Variants in FMNL2 observed in about 807,000 individuals in gnomAD.
FMNL2 encodes the protein formin-like protein 2.
A neutral mutation model predicts 130.2 loss-of-function variants in FMNL2; 51 were observed. The ratio of observed to expected loss-of-function variants is 0.39; its 90% confidence interval spans 0.31 to 0.49. The LOEUF is 0.49. Ranked by LOEUF, FMNL2 falls within the 20% of genes least tolerant of loss-of-function variation. The pLI is 0.85. For synonymous variants in FMNL2, 465 were observed against 467.1 expected (o/e 1.00, Z 0.06); for missense variants, 977 against 1,316.2 (o/e 0.74, Z 3.99).
chr2:152,568,237 A>G (rs1388635115), intron 6 of FMNL2, among the ~76,000 whole-genome samples: 12 of 9,336 alleles, frequency 1.3e-3, no homozygotes, highest in Middle Eastern at 0.042. Flanking sequence ...TTTTTTTGAG[A>G]CGGAGTCTCA....
At chr2:152,384,243 A>G (rs1483111716) in intron 1 of FMNL2, among the ~76,000 whole-genome samples, 1 of 152,192 alleles carries the variant, frequency 6.6e-6, no homozygotes, top group Non-Finnish European at 1.5e-5. Flanking sequence ...GGAAACAAGG[A>G]TTGGCTGACT....
chr2:152,473,870 T>C (rs13023943), intron 1 of FMNL2, among the ~76,000 whole-genome samples: 6,546 of 152,196 alleles, frequency 0.043, 467 homozygotes, highest in African/African-American at 0.15. Flanking sequence ...TGTTTAATCG[T>C]AAGTCAAATT....
chr2:152,460,819 T>C (rs1434342319), intron 1 of FMNL2, among the ~76,000 whole-genome samples: 1 of 152,206 alleles, frequency 6.6e-6, no homozygotes, highest in Non-Finnish European at 1.5e-5. Flanking sequence ...CCATCACCCC[T>C]GGATGGGACT....
At chr2:152,615,840 A>G (rs1294475394) in intron 12 of FMNL2, among the ~76,000 whole-genome samples, 1 of 152,068 alleles carries the variant, frequency 6.6e-6, no homozygotes, top group African/African-American at 2.4e-5. Context: ...ATTTTTCTCC[A>G]CATGTTTTTT....
intron 9 of FMNL2, among the ~76,000 whole-genome samples, chr2:152,604,434 C>T (rs142639462): frequency 2.0e-5 from 3 of 151,002 alleles, no homozygotes; most frequent in African/African-American, 2.4e-5. Flanking sequence ...TCACTGTTCA[C>T]GAACAGCTGT....
At chr2:152,538,279 T>G (rs1376601091) in intron 2 of FMNL2, among the ~76,000 whole-genome samples, 1 of 148,078 alleles carries the variant, frequency 6.8e-6, no homozygotes, top group African/African-American at 2.5e-5. Context: ...ATGAGGTTTT[T>G]TTTTTTTGTT....
At chr2:152,621,076 C>T (rs544195179) in intron 15 of FMNL2, 1 of 985,428 alleles carries the variant, frequency 1.0e-6, no homozygotes, top group Admixed American at 6.1e-5. Flanking sequence ...GGAATGTGTT[C>T]CATCACCAGG....
At chr2:152,439,818 G>C (rs1687963135) in intron 1 of FMNL2, among the ~76,000 whole-genome samples, 1 of 146,402 alleles carries the variant, frequency 6.8e-6, no homozygotes, top group Non-Finnish European at 1.5e-5. Flanking sequence ...CCGTGTCTGT[G>C]GTTCTTGGGC....
intron 4 of FMNL2, among the ~76,000 whole-genome samples, chr2:152,553,928 T>C (rs1695072152): frequency 6.6e-6 from 1 of 152,200 alleles, no homozygotes. Flanking sequence ...CTGTTTTGAT[T>C]GATGTATATG....
intron 6 of FMNL2, among the ~76,000 whole-genome samples, chr2:152,568,643 C>T (rs1463531194): frequency 6.6e-6 from 1 of 152,274 alleles, no homozygotes; most frequent in East Asian, 1.9e-4. Context: ...AGGAAACTTA[C>T]AATCCTAGTG....
At position 152,640,072 on chromosome 2, in the gene FMNL2, C is replaced by T; in HGVS notation, c.3045+16C>T. 1 of 1,539,090 alleles carries T rather than the reference C, an allele frequency of 6.5e-7. No homozygotes were observed. The highest frequency in any genetic ancestry group is 8.8e-7 in the Non-Finnish European group (1 of 1,142,814). On this transcript the variant is annotated intron_variant, in intron 24 of 25. Transcript: ENST00000288670. ...GGATCCAAAGGTAAGAAGTGCCGCA[C>T]TCATGAGACAGGTCCGTGAGGAGAG...
chr2:152,594,261 A>G (rs571166527), intron 9 of FMNL2, among the ~76,000 whole-genome samples: 12 of 152,176 alleles, frequency 7.9e-5, no homozygotes, highest in Non-Finnish European at 1.5e-4. Flanking sequence ...TACCTATTCA[A>G]ATAGTTCCCT....
intron 1 of FMNL2, among the ~76,000 whole-genome samples, chr2:152,506,543 T>G (rs1692180271): frequency 6.6e-6 from 1 of 152,224 alleles, no homozygotes. Flanking sequence ...TTCAAATATT[T>G]TTGATCCATG....
intron 1 of FMNL2, among the ~76,000 whole-genome samples, chr2:152,412,443 A>G (rs1686338763): frequency 1.1e-5 from 1 of 92,072 alleles, no homozygotes; most frequent in South Asian, 3.7e-4. Flanking sequence ...TCTTCTGTAT[A>G]TTTTATATAT....
chr2:152,373,965 A>T (rs560435496), intron 1 of FMNL2, among the ~76,000 whole-genome samples: 1 of 152,288 alleles, frequency 6.6e-6, no homozygotes, highest in East Asian at 1.9e-4. Flanking sequence ...CATACAAAAC[A>T]GTAGATTTTC....
chr2:152,537,164 T>G (rs1694036214), intron 2 of FMNL2, among the ~76,000 whole-genome samples: 1 of 152,198 alleles, frequency 6.6e-6, no homozygotes, highest in Non-Finnish European at 1.5e-5. Flanking sequence ...AAGGCTATGT[T>G]GTAGCATAGC....
intron 1 of FMNL2, among the ~76,000 whole-genome samples, chr2:152,457,841 A>G (rs1442835282): frequency 6.6e-6 from 1 of 152,178 alleles, no homozygotes; most frequent in African/African-American, 2.4e-5. Flanking sequence ...AGCTTTTAGA[A>G]GCCACCACCT....
rs140869764 is a variant in FMNL2, at chr2:152,450,292, G to T, written c.118-71651G>T. Among the ~76,000 whole-genome samples, 1,051 of 152,200 alleles carry T rather than the reference G, an allele frequency of 6.9e-3. 11 individuals are homozygous for T. The highest frequency in any genetic ancestry group is 0.024 in the African/African-American group (997 of 41,518). On this transcript the variant is annotated intron_variant, in intron 1 of 25. Transcript: ENST00000288670. The stretch of plus-strand genomic sequence containing the variant: ...AGGCAAGACACAAGAAAAACTGAAG[G>T]ATTTAACAAATCAACAACAGTTTCC...
intron 12 of FMNL2, among the ~76,000 whole-genome samples, chr2:152,615,372 C>T (rs1202514139): frequency 1.3e-5 from 2 of 152,160 alleles, no homozygotes; most frequent in Non-Finnish European, 2.9e-5. Context: ...TTCTTATCAA[C>T]TATGTCCACA....
Sources: allele counts gnomAD v4.1 joint callset (sites outside exome capture counted in the v4.1 genomes callset), GRCh38; gene constraint gnomAD v4.1.1; transcripts MANE v1.5; gene names NCBI Gene and HGNC (gene_info 2026-07-23, HGNC 2026-07-21).